CYP4F11: variants seen among roughly 807,000 people sequenced by gnomAD.
CYP4F11 encodes the protein cytochrome P450 4F11.
CYP4F11 carries 79 observed loss-of-function variants against 62.2 expected under a neutral mutation model. The observed-to-expected ratio is 1.27, with a 90% CI of 1.06 to 1.53. CYP4F11 has a LOEUF of 1.53. CYP4F11 is among the 40% of genes most tolerant of loss of function. The pLI, the probability that CYP4F11 is intolerant of heterozygous loss-of-function variation, is 0.00. For missense variants in CYP4F11, 777 were observed against 680.5 expected, an observed-to-expected ratio of 1.14 and a Z score of -1.58; for synonymous variants, 290 against 263.7, an observed-to-expected ratio of 1.10 and a Z score of -0.97.
chr19:15,915,245 C>T (rs1184127584), intron 8 of CYP4F11, among the ~76,000 whole-genome samples: 1 of 152,134 alleles, frequency 6.6e-6, no homozygotes, highest in Non-Finnish European at 1.5e-5. Context: ...CACTGTTTTG[C>T]TCTTATTCAT....
intron 11 of CYP4F11, 34 bp downstream of exon 11, chr19:15,914,271 T>C (rs1281274949): frequency 6.2e-7 from 1 of 1,606,694 alleles, no homozygotes; most frequent in Non-Finnish European, 8.5e-7. Context: ...GCACCCATCA[T>C]GCCATCTCTG....
At chr19:15,919,167 T>C (rs183562765) in intron 8 of CYP4F11, among the ~76,000 whole-genome samples, 80 of 148,126 alleles carry the variant, frequency 5.4e-4, no homozygotes, top group African/African-American at 2.0e-3. Context: ...TATGGAAATA[T>C]ATATTTCTAT....
chr19:15,922,855 A>G (rs976281367), intron 6 of CYP4F11, among the ~76,000 whole-genome samples: 1 of 151,860 alleles, frequency 6.6e-6, no homozygotes, highest in Non-Finnish European at 1.5e-5. Flanking sequence ...GGAGTTCGCA[A>G]CCAGCCTGAC....
At chr19:15,921,982 C>T in intron 8 of CYP4F11, 55 bp downstream of exon 8, 1 of 1,496,832 alleles carries the variant, frequency 6.7e-7, no homozygotes. Context: ...CTCTGCCCAC[C>T]TGAGGAGCAG....
intron 7 of CYP4F11, 80 bp from the exon 8 acceptor site, chr19:15,922,246 T>A (rs978110237): frequency 1.9e-6 from 3 of 1,598,132 alleles, no homozygotes; most frequent in Non-Finnish European, 2.6e-6. Context: ...TCTGAGGCCC[T>A]CAGGAGAATG....
chr19:15,929,678 G>T, intron 1 of CYP4F11, 77 bp from the exon 2 acceptor site: 1 of 1,492,806 alleles, frequency 6.7e-7, no homozygotes, highest in South Asian at 1.3e-5. Flanking sequence ...AATTCCACGT[G>T]ACCGAGCCAA....
intron 11 of CYP4F11, 152 bp from the exon 12 acceptor site, chr19:15,914,061 T>G: frequency 1.8e-6 from 2 of 1,134,862 alleles, no homozygotes; most frequent in Non-Finnish European, 2.5e-6. Context: ...CATGTGTGCT[T>G]GCATATCCCC....
chr19:15,934,289 G>A lies in CYP4F11; in HGVS notation c.120C>T (p.Thr40=), dbSNP rs761597851. 8.7e-6 allele frequency: 14 copies of A among 1,613,852 alleles called. No homozygotes were observed. The South Asian group carries it at 1.1e-4, about 13-fold the overall frequency. Residue 40 remains threonine (T), a synonymous_variant, in exon 1 of 12, where the codon ACC becomes ACT. Coordinates refer to ENST00000402119, the MANE Select transcript of CYP4F11 (RefSeq NM_021187.4). ...LLARVLAWTY[T]FYDNCRRLQC... is the part of the protein sequence containing the mutation. ...GGAGGCGGCGGCAGTTGTCATAGAA[G>A]GTGTAGGTCCAGGCCAGGACGCGGG...
intron 8 of CYP4F11, among the ~76,000 whole-genome samples, chr19:15,916,722 GAT>G (rs1433902729): frequency 6.6e-6 from 1 of 151,928 alleles, no homozygotes; most frequent in Non-Finnish European, 1.5e-5. Context: ...ACCACAGTGA[GAT>G]ACCCCCTACT....
At chr19:15,927,135 C>G (rs2089674748) in intron 4 of CYP4F11, 77 bp downstream of exon 4, 2 of 1,540,736 alleles carry the variant, frequency 1.3e-6, no homozygotes. Context: ...AAAGCACAAC[C>G]AAAATTCCAG....
At position 15,913,353 on chromosome 19, in the gene CYP4F11, C is replaced by T; in HGVS notation, c.*379G>A. On this transcript the variant is annotated 3_prime_UTR_variant, in exon 12 of 12. Transcript: ENST00000402119. ...AGGACTCCAGTCTTGGGAGGACATT[C>T]CCAGGACAGATGAAGGGATCTGCCC... The T allele has an allele frequency of 7.5e-6, 2 of 268,406 alleles. No individual in the cohort carries two copies. Among genetic ancestry groups the T allele is most frequent in the South Asian group, 7.7e-5 (2 of 25,910 alleles). The allele number at this position is 268,406 out of a possible 1,614,324, so 16.6% of individuals were successfully genotyped here.
chr19:15,913,717 G>A lies in CYP4F11; in HGVS notation c.*15C>T, dbSNP rs367746424. ...TTTCTGGGACTCTACAGAGGTGGGTGGGTGGGTAGGACAGTCACTGTGAGT... is the reference window on the plus strand; with the variant it reads ...TTTCTGGGACTCTACAGAGGTGGGTAGGTGGGTAGGACAGTCACTGTGAGT... On this transcript the variant is annotated 3_prime_UTR_variant, in exon 12 of 12. Transcript: ENST00000402119. The A allele has an allele frequency of 1.2e-6, 2 of 1,613,854 alleles. No homozygotes were observed. Among genetic ancestry groups the A allele is most frequent in the Non-Finnish European group, 1.7e-6 (2 of 1,179,842 alleles).
chr19:15,921,887 T>G (rs11086013), intron 8 of CYP4F11, 150 bp downstream of exon 8: 550,048 of 943,588 alleles, frequency 0.58, 163,652 homozygotes, highest in Non-Finnish European at 0.61. Flanking sequence ...CCTGCTGGCC[T>G]GGCTGTGTAT....
chr19:15,915,042 A>T lies in CYP4F11; in HGVS notation c.1116-147T>A. ...CTGGAGAATTTAAAAAGCAGAAAAA[A>T]ATTAGAAAAGCAGAAAATTAGAAAA... On this transcript the variant is annotated intron_variant, in intron 8 of 11. Transcript: ENST00000402119. 2.9e-6 allele frequency: 4 copies of T among 1,383,918 alleles called. No homozygotes were observed. In the South Asian group the frequency reaches 4.9e-5, roughly 17 times the overall value. 85.7% of individuals were successfully genotyped at this position (1,383,918 alleles called of 1,614,324 possible). A position where few individuals can be genotyped will look rare whatever the true frequency, so the allele number is the denominator to read the frequency against.
At chr19:15,922,549 T>C in intron 6 of CYP4F11, 119 bp from the exon 7 acceptor site, 2 of 1,045,950 alleles carry the variant, frequency 1.9e-6, no homozygotes, top group South Asian at 2.8e-5. Flanking sequence ...AAGCCCATCA[T>C]GCACTCCTAG....
Position 15,922,138 on chromosome 19 carries a change from G to A in CYP4F11, c.1014C>T (p.Ser338=), listed in dbSNP as rs779938318. The change falls in exon 8 of 12, where the codon TCC becomes TCT. Residue 338 remains serine, a synonymous_variant. Coordinates refer to ENST00000402119, the MANE Select transcript of CYP4F11 (RefSeq NM_021187.4). ...GCTTTGCAAGGTGGTATAGGACCCA[G>A]GAGAGACCACTGGCTGTAGTGTCAT... ...EGHDTTASGL[S]WVLYHLAKHP... The A allele has an allele frequency of 2.4e-5, 38 of 1,613,516 alleles. No homozygotes were observed. The highest frequency in any genetic ancestry group is 3.2e-5 in the Non-Finnish European group (38 of 1,179,796).
chr19:15,929,220 G>A (rs2089692024), intron 2 of CYP4F11, among the ~76,000 whole-genome samples: 1 of 152,152 alleles, frequency 6.6e-6, no homozygotes, highest in Admixed American at 6.5e-5. Flanking sequence ...CTAAATTGAG[G>A]CTTTTTGGAG....
Position 15,913,865 on chromosome 19 carries a change from A to T in CYP4F11, c.1442T>A (p.Val481Asp). Reference protein sequence around the residue: ...QAFAMAEMKVVLALTLLHFRI... With the variant: ...QAFAMAEMKVDLALTLLHFRI... Reference sequence around the variant, plus strand: ...GAAGTGCAGCAGGGTGAGCGCCAGGACCACCTTCATCTCAGCCATGGCGAA... The same window carrying T: ...GAAGTGCAGCAGGGTGAGCGCCAGGTCCACCTTCATCTCAGCCATGGCGAA... Residue 481 changes from valine (V) to aspartate (D), a missense_variant, in exon 12 of 12, where the codon GTC becomes GAC. Val to Asp is a radical substitution (Grantham distance 152). Transcript: ENST00000402119. The T allele has an allele frequency of 6.2e-7, 1 of 1,614,078 alleles. No individual in the cohort carries two copies.
rs147994994 is a variant in CYP4F11 at position 15,914,659 on chromosome 19, G to A, written c.1257C>T (p.Val419=). The change falls in exon 10 of 12, where the codon GTC becomes GTT. Residue 419 remains valine (V), a synonymous_variant. Transcript: ENST00000402119. ...GGATCCCGATAATATTGATGAGGCA[G>A]ACAATGCCTGTGGGAGAGAAGAGGG... ...PDGRVIPKGI[V]CLINIIGIHY... The A allele has an allele frequency of 3.6e-5, 58 of 1,614,230 alleles. No individual in the cohort carries two copies. In the African/African-American group the frequency reaches 7.5e-4, roughly 21 times the overall value.
Sources: allele counts gnomAD v4.1 joint callset (sites outside exome capture counted in the v4.1 genomes callset), GRCh38; gene constraint gnomAD v4.1.1; transcripts MANE v1.5; gene names NCBI Gene and HGNC (gene_info 2026-07-23, HGNC 2026-07-21).